PDILT: variants seen among roughly 807,000 people sequenced by gnomAD.
The protein encoded by PDILT is protein disulfide-isomerase-like protein of the testis.
PDILT carries 43 observed loss-of-function variants against 53.7 expected under a neutral mutation model. The ratio of observed to expected loss-of-function variants is 0.80; its 90% CI spans 0.63 to 1.03. The LOEUF (loss-of-function observed/expected upper bound fraction) is 1.03. Ranked by LOEUF, PDILT falls within the 50% of genes least tolerant of loss-of-function variation. The probability of loss-of-function intolerance (pLI) is 0.00; values close to 1 mark genes in which losing one functional copy is unlikely to be tolerated. For missense variants in PDILT, 727 were observed against 712.3 expected (o/e 1.02, Z -0.24); for synonymous variants, 282 against 274.2 (o/e 1.03, Z -0.28).
At chr16:20,368,267 A>G (rs889201963) in intron 8 of PDILT, among the ~76,000 whole-genome samples, 18 of 152,154 alleles carry the variant, frequency 1.2e-4, no homozygotes, top group African/African-American at 4.1e-4. Flanking sequence ...AAAGGCTGCC[A>G]TCAGGAGCCT....
At chr16:20,382,200 A>C (rs556796479) in intron 3 of PDILT, among the ~76,000 whole-genome samples, 16 of 152,326 alleles carry the variant, frequency 1.1e-4, no homozygotes, top group African/African-American at 3.8e-4. Flanking sequence ...ACCTGGCTCA[A>C]AAACTATTTG....
At chr16:20,379,022 T>TG (rs1377367502) in intron 3 of PDILT, among the ~76,000 whole-genome samples, 2 of 151,776 alleles carry the variant, frequency 1.3e-5, no homozygotes, top group East Asian at 3.9e-4. Flanking sequence ...TTAGGGCATT[T>TG]TTTTTTTTTG....
Position 20,376,176 on chromosome 16 carries a change from G to A in PDILT, c.435C>T (p.Val145=), listed in dbSNP as rs140175402. The A allele has an allele frequency of 2.2e-4, 349 of 1,614,128 alleles. 1 individual carries two copies. In the African/African-American group the frequency reaches 3.4e-3, roughly 16 times the overall value. Residue 145 remains valine (V), a synonymous_variant, in exon 4 of 12, where the codon GTC becomes GTT. Coordinates refer to ENST00000302451, the MANE Select transcript of PDILT (RefSeq NM_174924.2). Reference sequence around the variant, plus strand: ...GGCTAATTTGTCGTCTCAACCAAACGACTAAGGCAGCAGATTCAACCACTC... The same window carrying A: ...GGCTAATTTGTCGTCTCAACCAAACAACTAAGGCAGCAGATTCAACCACTC... The part of the protein sequence containing the change: ...CKGVVESAAL[V]VWLRRQISQK...
intron 3 of PDILT, among the ~76,000 whole-genome samples, chr16:20,382,210 G>C (rs1185433272): frequency 6.6e-6 from 1 of 152,158 alleles, no homozygotes; most frequent in Non-Finnish European, 1.5e-5. Flanking sequence ...AAAACTATTT[G>C]TTAAGAACTT....
rs1291403030 is a variant in PDILT, at chr16:20,383,875, A to T, written c.409+770T>A. On this transcript the variant is annotated intron_variant, in intron 3 of 11. Coordinates refer to ENST00000302451, the MANE Select transcript of PDILT (RefSeq NM_174924.2). Reference sequence around the variant, plus strand: ...TATATGTAACTTTCTAAAAGTTGGGACTACCATATGTGCCATACTAGTACC... The same window carrying T: ...TATATGTAACTTTCTAAAAGTTGGGTCTACCATATGTGCCATACTAGTACC... 2.0e-5 allele frequency among the ~76,000 whole-genome samples: 3 copies of T among 152,184 alleles called. No individual in the cohort carries two copies. The East Asian group carries it at 5.8e-4, about 29-fold the overall frequency.
At chr16:20,380,704 G>A (rs2141606456) in intron 3 of PDILT, among the ~76,000 whole-genome samples, 1 of 152,326 alleles carries the variant, frequency 6.6e-6, no homozygotes, top group African/African-American at 2.4e-5. Flanking sequence ...TCACTAGCTT[G>A]TTCAGTGTGA....
At chr16:20,399,417 G>C in intron 1 of PDILT, 110 bp from the exon 2 acceptor site, 3 of 1,161,366 alleles carry the variant, frequency 2.6e-6, no homozygotes, top group South Asian at 2.8e-5. Flanking sequence ...AATGTGGCCT[G>C]AGCATTGCCT....
intron 4 of PDILT, 108 bp downstream of exon 4, chr16:20,375,960 T>A (rs1303368824): frequency 2.9e-6 from 4 of 1,379,134 alleles, no homozygotes; most frequent in Non-Finnish European, 4.0e-6. Flanking sequence ...GATCATTGGA[T>A]GGAGAAAATT....
chr16:20,380,392 C>T (rs1394794141), intron 3 of PDILT, among the ~76,000 whole-genome samples: 1 of 151,866 alleles, frequency 6.6e-6, no homozygotes, highest in Non-Finnish European at 1.5e-5. Flanking sequence ...GGCTGGAGTG[C>T]GGTGGTGTGA....
intron 2 of PDILT, among the ~76,000 whole-genome samples, chr16:20,387,720 A>C (rs552815223): frequency 6.6e-6 from 1 of 151,860 alleles, no homozygotes; most frequent in African/African-American, 2.4e-5. Context: ...TCCCGGGTTC[A>C]AGTGATTCTC....
chr16:20,386,192 G>T (rs776100569), intron 2 of PDILT, among the ~76,000 whole-genome samples: 2 of 152,064 alleles, frequency 1.3e-5, no homozygotes, highest in African/African-American at 2.4e-5. Flanking sequence ...TTCTGGAAGC[G>T]GTATCAGGGA....
intron 3 of PDILT, among the ~76,000 whole-genome samples, chr16:20,377,632 G>C (rs1966405610): frequency 6.6e-6 from 1 of 152,138 alleles, no homozygotes; most frequent in South Asian, 2.1e-4. Context: ...AGGACTTCCT[G>C]GAGGAAATTA....
chr16:20,395,857 C>A (rs1467686458), intron 2 of PDILT, among the ~76,000 whole-genome samples: 1 of 152,196 alleles, frequency 6.6e-6, no homozygotes, highest in African/African-American at 2.4e-5. Context: ...CACCAGCTCC[C>A]CCTTCACCTT....
Position 20,399,151 on chromosome 16 carries a change from G to C in PDILT, c.150C>G (p.Pro50=), listed in dbSNP as rs780606367. 6.2e-7 allele frequency: 1 copy of C among 1,614,036 alleles called. No individual in the cohort carries two copies. The highest frequency in any genetic ancestry group is 8.5e-7 in the Non-Finnish European group (1 of 1,180,030). Residue 50 remains proline (P), a synonymous_variant, in exon 2 of 12, where the codon CCC becomes CCG. Coordinates refer to ENST00000302451, the MANE Select transcript of PDILT (RefSeq NM_174924.2). ...GGTTCAGCATCTGGGTCAGGCCAGCGGGCGTTAGCACTAGGAGACTGCGTT... is the reference window on the plus strand; with the variant it reads ...GGTTCAGCATCTGGGTCAGGCCAGCCGGCGTTAGCACTAGGAGACTGCGTT... The part of the protein sequence containing the change: ...LEERSLLVLT[P]AGLTQMLNQT...
Position 20,359,204 on chromosome 16 carries a change from A to AC in PDILT, c.*114dup. On this transcript the variant is annotated 3_prime_UTR_variant, in exon 12 of 12. Transcript: ENST00000302451. ...CTCAGAGGCTTTATTATCCACCCCTACCCCCGCCCCACCTACCCTACCACA... is the reference window on the plus strand; with the variant it reads ...CTCAGAGGCTTTATTATCCACCCCTACCCCCCGCCCCACCTACCCTACCACA... 1 of 1,488,202 alleles carries AC rather than the reference A, an allele frequency of 6.7e-7. No homozygotes were observed. Among genetic ancestry groups the AC allele is most frequent in the South Asian group, 1.4e-5 (1 of 73,816 alleles). The allele number at this position is 1,488,202 out of a possible 1,614,324, so 92.2% of individuals were successfully genotyped here.
chr16:20,378,517 T>C (rs1966417842), intron 3 of PDILT, among the ~76,000 whole-genome samples: 8 of 152,322 alleles, frequency 5.3e-5, no homozygotes, highest in Admixed American at 5.2e-4. Context: ...TAGGTATACA[T>C]GTGCCACGGT....
At chr16:20,378,121 C>T (rs752625179) in intron 3 of PDILT, among the ~76,000 whole-genome samples, 9 of 152,222 alleles carry the variant, frequency 5.9e-5, no homozygotes, top group Non-Finnish European at 1.0e-4. Context: ...AAATCAACTG[C>T]AAAGGCTCTA....
At chr16:20,395,956 A>T (rs1966657721) in intron 2 of PDILT, among the ~76,000 whole-genome samples, 1 of 152,226 alleles carries the variant, frequency 6.6e-6, no homozygotes, top group South Asian at 2.1e-4. Flanking sequence ...TTTATTGTTT[A>T]TAAATTACCC....
At chr16:20,378,784 C>A (rs1328377600) in intron 3 of PDILT, among the ~76,000 whole-genome samples, 1 of 152,190 alleles carries the variant, frequency 6.6e-6, no homozygotes, top group Non-Finnish European at 1.5e-5. Context: ...GACACGATCT[C>A]ATTCCTTTTT....
Sources: gnomAD v4.1 joint callset for allele counts (sites outside exome capture counted in the v4.1 genomes callset) on GRCh38, gnomAD v4.1.1 for gene constraint, MANE v1.5 for transcripts, NCBI Gene and HGNC (gene_info 2026-07-23, HGNC 2026-07-21) for gene names.